Variants in DOCK2 observed in about 807,000 individuals in gnomAD.
The protein encoded by DOCK2 is dedicator of cytokinesis protein 2.
A neutral mutation model predicts 248.9 loss-of-function variants in DOCK2; 87 were observed. That is an observed-to-expected ratio of 0.35 (90% CI 0.29 to 0.42). The LOEUF (loss-of-function observed/expected upper bound fraction) is 0.42. DOCK2 is among the 10% of genes least tolerant of loss of function. The pLI, the probability that DOCK2 is intolerant of heterozygous loss-of-function variation, is 1.00. For missense variants in DOCK2, 1,747 were observed against 2,300.2 expected (o/e 0.76, Z 4.92); for synonymous variants, 805 against 821.6 (o/e 0.98, Z 0.35).
chr5:169,978,325 G>A (rs1037797655), intron 27 of DOCK2, among the ~76,000 whole-genome samples: 2 of 137,020 alleles, frequency 1.5e-5, no homozygotes, highest in African/African-American at 2.8e-5. Context: ...AGGCAAACTG[G>A]TAGCCTTTCC....
chr5:169,958,940 T>C (rs1776971380), intron 27 of DOCK2, among the ~76,000 whole-genome samples: 1 of 152,224 alleles, frequency 6.6e-6, no homozygotes, highest in Non-Finnish European at 1.5e-5. Context: ...AACTCATAGT[T>C]GGCTAAGGAA....
chr5:169,827,485 A>G (rs996230890), intron 26 of DOCK2, among the ~76,000 whole-genome samples: 4 of 152,224 alleles, frequency 2.6e-5, no homozygotes, highest in Non-Finnish European at 4.4e-5. Flanking sequence ...CTAGGCTGTC[A>G]CTGGTGAGAA....
chr5:169,644,996 A>C (rs1757371221), intron 1 of DOCK2, among the ~76,000 whole-genome samples: 1 of 152,190 alleles, frequency 6.6e-6, no homozygotes. Flanking sequence ...ATGGCTGCAT[A>C]GTATTCCATG....
At chr5:169,913,438 A>C (rs1774713636) in intron 27 of DOCK2, among the ~76,000 whole-genome samples, 2 of 152,178 alleles carry the variant, frequency 1.3e-5, no homozygotes, top group South Asian at 2.1e-4. Flanking sequence ...GAACAAGCTC[A>C]TTGCCAAGGA....
Position 169,916,147 on chromosome 5 carries a change from A to T in DOCK2, c.2800-66921A>T, listed in dbSNP as rs568476640. ...CTTCCTGATTCCCGGGATTTACTCT[A>T]CCGGGCAGAAGCAGAAGCTGCTTAA... On this transcript the variant is annotated intron_variant, in intron 27 of 51. Coordinates refer to ENST00000520908, the MANE Select transcript of DOCK2 (RefSeq NM_004946.3). Among the ~76,000 whole-genome samples, 5 of 152,318 alleles carry T rather than the reference A, an allele frequency of 3.3e-5. No homozygotes were observed. The East Asian group carries it at 9.7e-4, about 29-fold the overall frequency.
At chr5:169,711,798 G>A (rs756860160) in intron 15 of DOCK2, 137 bp from the exon 16 acceptor site, 1 of 793,608 alleles carries the variant, frequency 1.3e-6, no homozygotes, top group Non-Finnish European at 2.1e-6. Flanking sequence ...CAGTTCATCA[G>A]CCTCAATGGA....
intron 25 of DOCK2, among the ~76,000 whole-genome samples, chr5:169,780,301 G>A (rs1765632627): frequency 8.8e-6 from 1 of 113,214 alleles, no homozygotes; most frequent in African/African-American, 3.2e-5. Context: ...ATAAATGTGT[G>A]TGTGTGTGTG....
chr5:169,925,369 C>G (rs771480932), intron 27 of DOCK2, among the ~76,000 whole-genome samples: 1 of 152,110 alleles, frequency 6.6e-6, no homozygotes, highest in East Asian at 1.9e-4. Flanking sequence ...ATCACAAGGT[C>G]AGGCGTTAAA....
rs1764683773 is a variant in DOCK2 at position 169,764,970 on chromosome 5, CTTCA to C, written c.2554+3348_2554+3351del. 6.6e-6 allele frequency among the ~76,000 whole-genome samples: 1 copy of C among 151,928 alleles called. No individual in the cohort carries two copies. Among genetic ancestry groups the C allele is most frequent in the Non-Finnish European group, 1.5e-5 (1 of 67,984 alleles). On this transcript the variant is annotated intron_variant, in intron 25 of 51. Coordinates refer to ENST00000520908, the MANE Select transcript of DOCK2 (RefSeq NM_004946.3). The surrounding 1 kb of genome is among the most constrained non-coding windows in gnomAD (Gnocchi z 4.3). ...AAGGTGAAATATTTGTGATTTCTCACTTCATTGTTTGTGTTACTACAGGCTCCAA... is the reference window on the plus strand; with the variant it reads ...AAGGTGAAATATTTGTGATTTCTCACTTGTTTGTGTTACTACAGGCTCCAA...
chr5:169,952,406 A>G (rs1776698582), intron 27 of DOCK2, among the ~76,000 whole-genome samples: 1 of 152,006 alleles, frequency 6.6e-6, no homozygotes, highest in African/African-American at 2.4e-5. Flanking sequence ...CATTTTAATT[A>G]TGGCTCCCCT....
intron 5 of DOCK2, 103 bp from the exon 6 acceptor site, chr5:169,674,194 G>C: frequency 7.0e-7 from 1 of 1,436,094 alleles, no homozygotes; most frequent in Non-Finnish European, 9.5e-7. Flanking sequence ...AGAGCCTCAG[G>C]CCATGGCCCT....
chr5:169,988,173 C>A (rs761004943), intron 29 of DOCK2, among the ~76,000 whole-genome samples: 2 of 152,162 alleles, frequency 1.3e-5, no homozygotes, highest in South Asian at 4.2e-4. Flanking sequence ...TAGCTTAGTT[C>A]GAAGATTTCC....
At chr5:169,855,959 A>T (rs921074273) in intron 27 of DOCK2, among the ~76,000 whole-genome samples, 7 of 152,216 alleles carry the variant, frequency 4.6e-5, no homozygotes, top group African/African-American at 1.7e-4. Flanking sequence ...GCAGAAGGCA[A>T]AGGGAAAGCA....
At chr5:169,661,309 AAATT>A (rs1359749401) in intron 2 of DOCK2, among the ~76,000 whole-genome samples, 2 of 152,208 alleles carry the variant, frequency 1.3e-5, no homozygotes, top group Non-Finnish European at 2.9e-5. Context: ...TACTCTTTAA[AAATT>A]TTTTTAATTG....
intron 1 of DOCK2, among the ~76,000 whole-genome samples, chr5:169,654,131 G>A (rs145146713): frequency 1.3e-5 from 2 of 152,356 alleles, no homozygotes; most frequent in Admixed American, 6.5e-5. Context: ...ACAGTAAGAG[G>A]ACAGTCCATA....
At chr5:169,991,832 G>A (rs934333692) in intron 29 of DOCK2, among the ~76,000 whole-genome samples, 1 of 152,220 alleles carries the variant, frequency 6.6e-6, no homozygotes, top group African/African-American at 2.4e-5. Flanking sequence ...GTTTGAATGT[G>A]GGGAAATTAT....
chr5:169,649,415 A>G (rs1219227672), intron 1 of DOCK2, among the ~76,000 whole-genome samples: 10 of 152,352 alleles, frequency 6.6e-5, no homozygotes, highest in Non-Finnish European at 8.8e-5. Flanking sequence ...AAGAAGGGAC[A>G]TAGCTGCCCT....
At chr5:170,024,512 G>A (rs1480553324) in intron 33 of DOCK2, among the ~76,000 whole-genome samples, 2 of 152,030 alleles carry the variant, frequency 1.3e-5, no homozygotes, top group East Asian at 3.8e-4. Context: ...CTATGATGAT[G>A]ACAATGACAA....
chr5:169,686,291 T>A (rs952944734), intron 8 of DOCK2, among the ~76,000 whole-genome samples: 4 of 151,038 alleles, frequency 2.6e-5, no homozygotes, highest in African/African-American at 9.8e-5. Context: ...GACAAGGGAG[T>A]GTGGTCGGCT....
Sources: gnomAD v4.1 joint callset for allele counts (sites outside exome capture counted in the v4.1 genomes callset) on GRCh38, gnomAD v4.1.1 for gene constraint, Gnocchi (gnomAD v3.1) non-coding constraint, MANE v1.5 for transcripts, NCBI Gene and HGNC (gene_info 2026-07-23, HGNC 2026-07-21) for gene names.